The following FBP1 variants were observed in gnomAD, a reference collection of about 807,000 sequenced individuals.
The protein encoded by FBP1 is fructose-1,6-bisphosphatase 1.
In FBP1, 22 loss-of-function variants were observed where a neutral mutation model predicts 29.9. The observed-to-expected ratio is 0.74, with a 90% CI of 0.53 to 1.05. The LOEUF (loss-of-function observed/expected upper bound fraction) is 1.05, where lower values mean the gene tolerates loss of function less well. Ranked by LOEUF, FBP1 falls within the 50% of genes least tolerant of loss-of-function variation. The pLI is 0.00. For synonymous variants in FBP1, 175 were observed against 178.6 expected (o/e 0.98, Z 0.16); for missense variants, 345 against 448.2 (o/e 0.77, Z 2.08).
chr9:94,632,472 A>C (rs1172918218), intron 1 of FBP1, among the ~76,000 whole-genome samples: 1 of 152,204 alleles, frequency 6.6e-6, no homozygotes, highest in Non-Finnish European at 1.5e-5. Context: ...GTTCAAGACC[A>C]GACTGGCCAA....
intron 1 of FBP1, among the ~76,000 whole-genome samples, chr9:94,631,521 G>C (rs12343537): frequency 6.6e-6 from 1 of 152,160 alleles, no homozygotes; most frequent in Non-Finnish European, 1.5e-5. Context: ...TGTGATGATT[G>C]GGGGAGGCTG....
intron 3 of FBP1, among the ~76,000 whole-genome samples, chr9:94,616,578 G>T (rs1461045370): frequency 1.3e-5 from 2 of 151,552 alleles, no homozygotes; most frequent in African/African-American, 4.9e-5. Flanking sequence ...GACTACAGGC[G>T]CCCACCACCA....
intron 1 of FBP1, among the ~76,000 whole-genome samples, chr9:94,623,532 G>C (rs529510623): frequency 1.3e-5 from 2 of 152,204 alleles, no homozygotes; most frequent in Non-Finnish European, 2.9e-5. Flanking sequence ...GGGACAGCTC[G>C]GGGGGCCGGG....
intron 3 of FBP1, among the ~76,000 whole-genome samples, chr9:94,612,786 C>G (rs1827805634): frequency 6.6e-6 from 1 of 151,994 alleles, no homozygotes; most frequent in Non-Finnish European, 1.5e-5. Flanking sequence ...GTCTCGAACT[C>G]TGGACCTCAG....
intron 6 of FBP1, 138 bp downstream of exon 6, chr9:94,605,319 A>C (rs1827680232): frequency 1.1e-6 from 1 of 870,562 alleles, no homozygotes; most frequent in African/African-American, 1.7e-5. Flanking sequence ...TTTAATCCAC[A>C]AAAGAATATG....
chr9:94,612,241 G>T (rs1587856198), intron 3 of FBP1, among the ~76,000 whole-genome samples: 1 of 152,114 alleles, frequency 6.6e-6, no homozygotes, highest in Non-Finnish European at 1.5e-5. Flanking sequence ...CACAGTGGGT[G>T]GACTCAGGAC....
intron 3 of FBP1, among the ~76,000 whole-genome samples, chr9:94,617,311 T>G (rs1364188389): frequency 6.6e-6 from 1 of 152,256 alleles, no homozygotes; most frequent in Non-Finnish European, 1.5e-5. Context: ...ATGGTTATTC[T>G]TTGTTCACAG....
Position 94,605,519 on chromosome 9 carries a change from G to A in FBP1, c.763C>T (p.Arg255Cys), listed in dbSNP as rs944699141. The A allele has an allele frequency of 1.1e-5, 18 of 1,613,602 alleles. No homozygotes were observed. Among genetic ancestry groups the A allele is most frequent in the South Asian group, 2.2e-5 (2 of 91,050 alleles). Residue 255 changes from arginine to cysteine, a missense_variant, in exon 6 of 7, where the codon CGC becomes TGC. Coordinates refer to ENST00000375326, the MANE Select transcript of FBP1 (RefSeq NM_000507.4). The stretch of plus-strand genomic sequence containing the variant: ...AATATCCCTCCGTAGACCAGAGTGC[G>A]ATGAACATCAGCCACCATGGAGCCC... ...YVGSMVADVH[R>C]TLVYGGIFLY...
chr9:94,635,471 C>G (rs1828178073), intron 1 of FBP1, among the ~76,000 whole-genome samples: 1 of 152,228 alleles, frequency 6.6e-6, no homozygotes, highest in African/African-American at 2.4e-5. Flanking sequence ...CAGTGAGGTT[C>G]CTGCAAATCT....
intron 2 of FBP1, among the ~76,000 whole-genome samples, chr9:94,618,355 G>C (rs1827893550): frequency 6.6e-6 from 1 of 150,748 alleles, no homozygotes; most frequent in Admixed American, 6.7e-5. Flanking sequence ...GGGCACGGTG[G>C]CTCATGCCTA....
intron 3 of FBP1, among the ~76,000 whole-genome samples, chr9:94,617,187 G>A (rs909668276): frequency 1.3e-5 from 2 of 152,162 alleles, no homozygotes; most frequent in Admixed American, 6.5e-5. Context: ...GGCAGTATGT[G>A]AAAAAATGAA....
chr9:94,639,438 G>T lies in FBP1; in HGVS notation c.-128C>A. 1 of 1,098,952 alleles carries T rather than the reference G, an allele frequency of 9.1e-7. No individual in the cohort carries two copies. Among genetic ancestry groups the T allele is most frequent in the Non-Finnish European group, 1.3e-6 (1 of 745,184 alleles). 68.1% of individuals were successfully genotyped at this position (1,098,952 alleles called of 1,614,324 possible). On this transcript the variant is annotated 5_prime_UTR_variant, in exon 1 of 7. Transcript: ENST00000375326. ...AGCTGCAGGTGCGGGCGGCAGGTGCGGGCCGCGGGACCTGGCGGGAGGACT... is the reference window on the plus strand; with the variant it reads ...AGCTGCAGGTGCGGGCGGCAGGTGCTGGCCGCGGGACCTGGCGGGAGGACT...
intron 1 of FBP1, among the ~76,000 whole-genome samples, chr9:94,627,303 C>T (rs763298648): frequency 6.6e-6 from 1 of 150,750 alleles, no homozygotes; most frequent in South Asian, 2.1e-4. Context: ...TGCAGTGAGC[C>T]GAGATCACAC....
chr9:94,618,410 C>T (rs994056831), intron 2 of FBP1, among the ~76,000 whole-genome samples: 1 of 130,464 alleles, frequency 7.7e-6, no homozygotes, highest in Non-Finnish European at 1.6e-5. Flanking sequence ...TGCTTGAGCC[C>T]AGGAGTTTGA....
intron 1 of FBP1, among the ~76,000 whole-genome samples, chr9:94,637,266 C>T (rs564669453): frequency 1.1e-4 from 17 of 152,278 alleles, no homozygotes; most frequent in Admixed American, 7.2e-4. Flanking sequence ...CAAAGCCAGA[C>T]AGCCTGCCAG....
chr9:94,611,586 C>A (rs1385008391), intron 3 of FBP1, among the ~76,000 whole-genome samples: 1 of 151,982 alleles, frequency 6.6e-6, no homozygotes, highest in African/African-American at 2.4e-5. Flanking sequence ...GACCCCATCT[C>A]TACGAAAAAA....
chr9:94,619,589 TAACGCCAGG>T (rs1827912898), intron 2 of FBP1, among the ~76,000 whole-genome samples: 1 of 151,900 alleles, frequency 6.6e-6, no homozygotes, highest in Non-Finnish European at 1.5e-5. Flanking sequence ...AAAGCAGAGA[TAACGCCAGG>T]TGTGGTGGCT....
intron 4 of FBP1, among the ~76,000 whole-genome samples, chr9:94,609,180 C>T (rs28369735): frequency 2.1e-5 from 3 of 144,988 alleles, no homozygotes; most frequent in South Asian, 2.1e-4. Flanking sequence ...CAGGGCAAGA[C>T]TACATCTCAG....
chr9:94,624,708 CA>C (rs1385551911), intron 1 of FBP1, among the ~76,000 whole-genome samples: 1 of 152,114 alleles, frequency 6.6e-6, no homozygotes, highest in Non-Finnish European at 1.5e-5. Flanking sequence ...TAAAGAAGCC[CA>C]AATAAGTCAG....
Sources: gnomAD v4.1 joint callset for allele counts (sites outside exome capture counted in the v4.1 genomes callset) on GRCh38, gnomAD v4.1.1 for gene constraint, MANE v1.5 for transcripts, NCBI Gene and HGNC (gene_info 2026-07-23, HGNC 2026-07-21) for gene names.